Variants in GPR39 observed in about 807,000 individuals in gnomAD.
GPR39 encodes G protein-coupled receptor 39, also known as zinc sensing receptor.
Under a neutral mutation model 18.4 loss-of-function variants are expected in GPR39, and 23 were observed. The observed-to-expected ratio is 1.25, with a 90% CI of 0.90 to 1.77. GPR39 has a LOEUF of 1.77. Ranked by LOEUF, GPR39 falls within the 40% of genes most tolerant of loss-of-function variation. GPR39 has a pLI of 0.00. For missense variants in GPR39, 647 were observed against 602.4 expected (o/e 1.07, Z -0.78); for synonymous variants, 280 against 257.9 (o/e 1.09, Z -0.82).
chr2:132,638,251 C>T (rs948062269), intron 1 of GPR39, among the ~76,000 whole-genome samples: 12 of 152,070 alleles, frequency 7.9e-5, no homozygotes, highest in East Asian at 1.9e-4. Context: ...TTGGAGCTAC[C>T]GTCTGCTTTG....
At chr2:132,445,235 G>A (rs1034103113) in intron 1 of GPR39, among the ~76,000 whole-genome samples, 1 of 151,988 alleles carries the variant, frequency 6.6e-6, no homozygotes, top group South Asian at 2.1e-4. Flanking sequence ...ATGTTACATT[G>A]TATATTTTTC....
chr2:132,444,222 G>A (rs113948726), intron 1 of GPR39, among the ~76,000 whole-genome samples: 11,752 of 152,158 alleles, frequency 0.077, 601 homozygotes, highest in Admixed American at 0.11. Flanking sequence ...AGAATTACCC[G>A]AACTATTGAA....
At chr2:132,622,989 G>A (rs1681468926) in intron 1 of GPR39, among the ~76,000 whole-genome samples, 1 of 152,124 alleles carries the variant, frequency 6.6e-6, no homozygotes, top group Non-Finnish European at 1.5e-5. Flanking sequence ...GCGGGTGCCT[G>A]TAATCCCAGC....
chr2:132,468,825 A>G (rs1680977809), intron 1 of GPR39, among the ~76,000 whole-genome samples: 1 of 151,994 alleles, frequency 6.6e-6, no homozygotes, highest in African/African-American at 2.4e-5. Flanking sequence ...GAAAAAGGGG[A>G]CAGATGAGAG....
intron 1 of GPR39, among the ~76,000 whole-genome samples, chr2:132,453,435 G>C (rs1231947264): frequency 1.3e-5 from 2 of 152,266 alleles, no homozygotes; most frequent in East Asian, 3.9e-4. Flanking sequence ...TAGGTTGCCT[G>C]TTCACTCTGA....
At chr2:132,530,146 A>G (rs1218518471) in intron 1 of GPR39, among the ~76,000 whole-genome samples, 2 of 152,214 alleles carry the variant, frequency 1.3e-5, no homozygotes, top group African/African-American at 2.4e-5. Context: ...TAACCAATGC[A>G]GAGAAGTCCT....
intron 1 of GPR39, among the ~76,000 whole-genome samples, chr2:132,508,455 G>T (rs1342804478): frequency 6.6e-6 from 1 of 151,964 alleles, no homozygotes; most frequent in Non-Finnish European, 1.5e-5. Context: ...GTTAGTAGAA[G>T]GGCTGCCCTC....
intron 1 of GPR39, among the ~76,000 whole-genome samples, chr2:132,455,429 C>T (rs907954340): frequency 1.3e-5 from 2 of 152,148 alleles, no homozygotes; most frequent in South Asian, 4.1e-4. Context: ...TTTCAAAACA[C>T]CAGCTCCTGG....
intron 1 of GPR39, among the ~76,000 whole-genome samples, chr2:132,598,570 T>C (rs115825383): frequency 2.0e-3 from 306 of 151,968 alleles, no homozygotes; most frequent in African/African-American, 7.2e-3. Context: ...ACTGAATTCC[T>C]TGTTCTAGAG....
chr2:132,429,594 C>G (rs1160361906), intron 1 of GPR39, among the ~76,000 whole-genome samples: 1 of 152,178 alleles, frequency 6.6e-6, no homozygotes, highest in Non-Finnish European at 1.5e-5. Context: ...GAGCAGTAGC[C>G]ACATGGACTC....
intron 1 of GPR39, among the ~76,000 whole-genome samples, chr2:132,502,682 CTCT>C (rs1194330859): frequency 6.6e-6 from 1 of 152,166 alleles, no homozygotes; most frequent in Non-Finnish European, 1.5e-5. Flanking sequence ...TTTTAGATTT[CTCT>C]TCTTCTTTGG....
intron 1 of GPR39, among the ~76,000 whole-genome samples, chr2:132,477,524 C>T (rs1217306906): frequency 6.6e-6 from 1 of 152,114 alleles, no homozygotes; most frequent in Admixed American, 6.5e-5. Flanking sequence ...TGTGAATGTG[C>T]CAATGCACTC....
intron 1 of GPR39, among the ~76,000 whole-genome samples, chr2:132,449,618 A>G (rs1386201697): frequency 1.3e-5 from 2 of 152,138 alleles, no homozygotes; most frequent in Non-Finnish European, 2.9e-5. Context: ...GCTTCTCATC[A>G]GCCCTTTTTT....
chr2:132,561,845 G>A (rs1469728114), intron 1 of GPR39, among the ~76,000 whole-genome samples: 3 of 152,110 alleles, frequency 2.0e-5, no homozygotes, highest in East Asian at 3.9e-4. Flanking sequence ...TCCCCCTCAA[G>A]CATTCAGGCA....
chr2:132,549,914 G>A (rs1282153893), intron 1 of GPR39, among the ~76,000 whole-genome samples: 1 of 152,126 alleles, frequency 6.6e-6, no homozygotes, highest in Admixed American at 6.5e-5. Context: ...GTGTCTTTTT[G>A]TGATGCTCAT....
At chr2:132,557,134 C>G (rs1383016778) in intron 1 of GPR39, among the ~76,000 whole-genome samples, 1 of 152,082 alleles carries the variant, frequency 6.6e-6, no homozygotes. Context: ...GCCTGGCCAA[C>G]ATGGTGAAAC....
intron 1 of GPR39, among the ~76,000 whole-genome samples, chr2:132,567,402 T>A (rs184965829): frequency 6.6e-6 from 1 of 152,156 alleles, no homozygotes; most frequent in Non-Finnish European, 1.5e-5. Context: ...CATGGATGAA[T>A]GGGTTAATGG....
chr2:132,564,303 T>A (rs552861821), intron 1 of GPR39, among the ~76,000 whole-genome samples: 1 of 152,304 alleles, frequency 6.6e-6, no homozygotes, highest in Non-Finnish European at 1.5e-5. Context: ...GCTGCCTTTG[T>A]GGCCCCTGTG....
At chr2:132,570,830 C>A (rs753860909) in intron 1 of GPR39, among the ~76,000 whole-genome samples, 16 of 152,234 alleles carry the variant, frequency 1.1e-4, no homozygotes, top group Admixed American at 2.6e-4. Flanking sequence ...CTCTGCAGCA[C>A]CCCCGTTGGT....
Sources: allele counts gnomAD v4.1 joint callset (sites outside exome capture counted in the v4.1 genomes callset), GRCh38; gene constraint gnomAD v4.1.1; transcripts MANE v1.5; gene names NCBI Gene and HGNC (gene_info 2026-07-23, HGNC 2026-07-21).